Variants in ZNF804A observed in about 807,000 individuals in gnomAD.
ZNF804A encodes zinc finger protein 804A.
Under a neutral mutation model 16.5 loss-of-function variants are expected in ZNF804A, and 2 were observed. That is an observed-to-expected ratio of 0.12 (90% confidence interval 0.05 to 0.38). The LOEUF (loss-of-function observed/expected upper bound fraction) is 0.38. ZNF804A is among the 10% of genes least tolerant of loss of function. ZNF804A has a pLI of 0.99. For synonymous variants in ZNF804A, 534 were observed against 489.6 expected, an observed-to-expected ratio of 1.09 and a Z score of -1.20; for missense variants, 1,473 against 1,390.7, an observed-to-expected ratio of 1.06 and a Z score of -0.94.
chr2:184,756,612 A>G (rs1693962404), intron 1 of ZNF804A, among the ~76,000 whole-genome samples: 1 of 152,038 alleles, frequency 6.6e-6, no homozygotes, highest in African/African-American at 2.4e-5. Context: ...TGCCTAATGT[A>G]TACAGCAAGA....
chr2:184,761,992 G>A (rs931170646), intron 1 of ZNF804A, among the ~76,000 whole-genome samples: 43 of 152,030 alleles, frequency 2.8e-4, no homozygotes, highest in Non-Finnish European at 8.8e-5. Flanking sequence ...AGCATATTCT[G>A]TAGTTTATTA....
At chr2:184,860,711 C>G (rs1319281155) in intron 1 of ZNF804A, among the ~76,000 whole-genome samples, 1 of 152,222 alleles carries the variant, frequency 6.6e-6, no homozygotes, top group Non-Finnish European at 1.5e-5. Flanking sequence ...TCTGATGCCA[C>G]AGGCAGTGGC....
At chr2:184,870,471 A>T (rs931700325) in intron 2 of ZNF804A, among the ~76,000 whole-genome samples, 23 of 152,060 alleles carry the variant, frequency 1.5e-4, no homozygotes, top group Admixed American at 1.4e-3. Flanking sequence ...AATTCATTAA[A>T]GGAGGAAATA....
At chr2:184,785,663 T>C (rs1694435632) in intron 1 of ZNF804A, among the ~76,000 whole-genome samples, 1 of 151,988 alleles carries the variant, frequency 6.6e-6, no homozygotes. Flanking sequence ...AAAAGACATA[T>C]ATAAATAAAT....
chr2:184,836,945 C>G (rs1574234881), intron 1 of ZNF804A, among the ~76,000 whole-genome samples: 1 of 151,896 alleles, frequency 6.6e-6, no homozygotes. Flanking sequence ...CTGACTGCAT[C>G]AAGTTTTTTT....
At chr2:184,799,628 A>T (rs1336638289) in intron 1 of ZNF804A, among the ~76,000 whole-genome samples, 1 of 152,036 alleles carries the variant, frequency 6.6e-6, no homozygotes, top group Non-Finnish European at 1.5e-5. Flanking sequence ...GGCTCAGATG[A>T]TCCTTTCACT....
chr2:184,625,744 T>C (rs1691483864), intron 1 of ZNF804A, among the ~76,000 whole-genome samples: 1 of 152,242 alleles, frequency 6.6e-6, no homozygotes, highest in Non-Finnish European at 1.5e-5. Flanking sequence ...ATTAGTGTTT[T>C]ACCATTTAAA....
chr2:184,676,598 G>A (rs1456190254), intron 1 of ZNF804A, among the ~76,000 whole-genome samples: 1 of 151,566 alleles, frequency 6.6e-6, no homozygotes. Flanking sequence ...TACAATATGA[G>A]TATTTTTGTG....
chr2:184,726,183 G>T, intron 1 of ZNF804A, among the ~76,000 whole-genome samples: 1 of 151,672 alleles, frequency 6.6e-6, no homozygotes, highest in South Asian at 2.1e-4. Context: ...TATGCTATGC[G>T]TATTTCTAGA....
Position 184,599,015 on chromosome 2 carries a change from G to T in ZNF804A, c.56G>T (p.Arg19Leu), listed in dbSNP as rs1429277804. The T allele has an allele frequency of 1.2e-6, 2 of 1,614,084 alleles. No individual in the cohort carries two copies. Among genetic ancestry groups the T allele is most frequent in the Non-Finnish European group, 1.7e-6 (2 of 1,179,960 alleles). Residue 19 changes from arginine to leucine, a missense_variant, in exon 1 of 4, where the codon CGC becomes CTC. Physicochemically the swap from Arg to Leu is moderately radical, Grantham distance 102 (BLOSUM62 -2). Transcript: ENST00000302277. ...SSTHLSNGHF[R>L]NIKGVFRGPL... ...ACGCATCTCAGCAACGGACACTTTC[G>T]CAACATCAAGGGAGTTTTCCGGGGC...
intron 1 of ZNF804A, among the ~76,000 whole-genome samples, chr2:184,721,699 A>G (rs765482025): frequency 1.2e-4 from 19 of 152,136 alleles, no homozygotes; most frequent in Non-Finnish European, 2.5e-4. Context: ...AGCTAAAGCT[A>G]CAAATGGAAC....
chr2:184,773,739 T>C (rs1558957741), intron 1 of ZNF804A, among the ~76,000 whole-genome samples: 1 of 151,724 alleles, frequency 6.6e-6, no homozygotes, highest in Non-Finnish European at 1.5e-5. Flanking sequence ...ATCTCAGAAA[T>C]CGCCACTAAA....
chr2:184,633,244 G>A (rs1411191155), intron 1 of ZNF804A, among the ~76,000 whole-genome samples: 2 of 152,138 alleles, frequency 1.3e-5, no homozygotes, highest in Non-Finnish European at 2.9e-5. Flanking sequence ...TCTACTTTAT[G>A]TAGTCAGAGC....
intron 1 of ZNF804A, among the ~76,000 whole-genome samples, chr2:184,740,961 A>G (rs865995957): frequency 2.4e-4 from 36 of 152,276 alleles, no homozygotes; most frequent in African/African-American, 8.4e-4. Flanking sequence ...TAAATGATCA[A>G]TGACTACAGT....
chr2:184,914,128 A>G (rs1344732805), intron 2 of ZNF804A, among the ~76,000 whole-genome samples: 1 of 152,104 alleles, frequency 6.6e-6, no homozygotes, highest in Non-Finnish European at 1.5e-5. Flanking sequence ...TGCCTAGAAA[A>G]CACAGCTTCT....
At chr2:184,828,562 T>C (rs544237640) in intron 1 of ZNF804A, among the ~76,000 whole-genome samples, 9 of 151,956 alleles carry the variant, frequency 5.9e-5, no homozygotes, top group African/African-American at 1.7e-4. Context: ...AATTTTGTAC[T>C]CTTTATTTTA....
At chr2:184,935,674 T>A in intron 3 of ZNF804A, 109 bp from the exon 4 acceptor site, 1 of 1,307,328 alleles carries the variant, frequency 7.6e-7, no homozygotes, top group Non-Finnish European at 1.0e-6. Context: ...TCACAAAGAT[T>A]TTAAAATTTG....
intron 1 of ZNF804A, among the ~76,000 whole-genome samples, chr2:184,742,415 A>G (rs1332957619): frequency 6.6e-6 from 1 of 152,020 alleles, no homozygotes; most frequent in Non-Finnish European, 1.5e-5. Context: ...GCCTTTGAAT[A>G]TATTTCATGG....
intron 1 of ZNF804A, among the ~76,000 whole-genome samples, chr2:184,772,394 T>A (rs1259744168): frequency 1.3e-5 from 2 of 152,044 alleles, no homozygotes; most frequent in Admixed American, 1.3e-4. Context: ...TTGTGAAACG[T>A]CTTTCGTGAC....
Sources: gnomAD v4.1 joint callset for allele counts (sites outside exome capture counted in the v4.1 genomes callset) on GRCh38, gnomAD v4.1.1 for gene constraint, MANE v1.5 for transcripts, NCBI Gene and HGNC (gene_info 2026-07-23, HGNC 2026-07-21) for gene names.